WIPF1: variants seen among roughly 807,000 people sequenced by gnomAD.
WIPF1 encodes WAS/WASL interacting protein family member 1, also known as WAS/WASL-interacting protein family member 1.
In WIPF1, 13 loss-of-function variants were observed where a neutral mutation model predicts 35.4. The observed-to-expected ratio is 0.37, with a 90% CI of 0.24 to 0.58. WIPF1 has a LOEUF of 0.58. WIPF1 is among the 20% of genes least tolerant of loss of function. The pLI, the probability that WIPF1 is intolerant of heterozygous loss-of-function variation, is 0.74. For missense variants in WIPF1, 591 were observed against 667.0 expected (o/e 0.89, Z 1.25); for synonymous variants, 267 against 266.3 (o/e 1.00, Z -0.02).
intron 1 of WIPF1, among the ~76,000 whole-genome samples, chr2:174,656,439 C>G (rs755759004): frequency 6.6e-6 from 1 of 152,160 alleles, no homozygotes; most frequent in Non-Finnish European, 1.5e-5. Context: ...TAAGGAAGAG[C>G]AGAGTCAAGA....
At chr2:174,653,425 G>A (rs1687574007) in intron 1 of WIPF1, among the ~76,000 whole-genome samples, 1 of 152,098 alleles carries the variant, frequency 6.6e-6, no homozygotes, top group Non-Finnish European at 1.5e-5. Context: ...TGTCCTGGAA[G>A]TCTAAGACTG....
chr2:174,575,203 C>T lies in WIPF1; in HGVS notation c.358+1G>A. On this transcript the variant is annotated splice_donor_variant, in intron 4 of 7. Transcript: ENST00000679041. LOFTEE classifies it high-confidence loss of function. ...CTCAGAGACAGGGAAACTCTCCTTA[C>T]CATTATCCCTGTTGGCCGTGGATCT... The T allele has an allele frequency of 3.7e-6, 6 of 1,607,858 alleles. No homozygotes were observed. Among genetic ancestry groups the T allele is most frequent in the Non-Finnish European group, 5.1e-6 (6 of 1,176,262 alleles).
chr2:174,598,667 A>G (rs1172993040), upstream of WIPF1, among the ~76,000 whole-genome samples: 1 of 152,166 alleles, frequency 6.6e-6, no homozygotes, highest in Non-Finnish European at 1.5e-5. Flanking sequence ...CAGGGTAATA[A>G]TATACAGCTT....
chr2:174,588,080 C>T (rs1469521), intron 1 of WIPF1, among the ~76,000 whole-genome samples: 46,199 of 152,036 alleles, frequency 0.3, 7,341 homozygotes, highest in Non-Finnish European at 0.35. Context: ...ATTCAGAGGC[C>T]TTGGAGTCAG....
At chr2:174,663,296 G>A (rs1687817030) in intron 1 of WIPF1, among the ~76,000 whole-genome samples, 1 of 152,182 alleles carries the variant, frequency 6.6e-6, no homozygotes, top group Non-Finnish European at 1.5e-5. Context: ...GGGTGCAGAG[G>A]AGAAACACAG....
At chr2:174,654,601 T>G (rs1687604758) in intron 1 of WIPF1, among the ~76,000 whole-genome samples, 1 of 152,108 alleles carries the variant, frequency 6.6e-6, no homozygotes, top group Non-Finnish European at 1.5e-5. Flanking sequence ...TTGCCTTTTC[T>G]ACTTTATTCC....
chr2:174,565,185 G>A (rs1227048136), intron 7 of WIPF1, among the ~76,000 whole-genome samples: 1 of 152,050 alleles, frequency 6.6e-6, no homozygotes, highest in Non-Finnish European at 1.5e-5. Flanking sequence ...GTGAGCCACC[G>A]TGCCTGGCCT....
chr2:174,653,551 C>T lies in WIPF1; in HGVS notation c.-39+29223G>A, dbSNP rs540397709. Among the ~76,000 whole-genome samples the T allele has an allele frequency of 6.6e-5, 10 of 151,472 alleles. No individual in the cohort carries two copies. In the East Asian group the frequency reaches 7.8e-4, roughly 12 times the overall value. On this transcript the variant is annotated intron_variant, in intron 1 of 8. Coordinates refer to the WIPF1 transcript ENST00000272746. ...GAGATCGAGACCATCCTGGCTAACACGGTGAAACACCCATCTCTACTAAAA... is the reference window on the plus strand; with the variant it reads ...GAGATCGAGACCATCCTGGCTAACATGGTGAAACACCCATCTCTACTAAAA...
intron 6 of WIPF1, 135 bp downstream of exon 6, chr2:174,567,726 G>A: frequency 1.1e-6 from 1 of 932,360 alleles, no homozygotes; most frequent in Non-Finnish European, 1.5e-6. Context: ...AGAATGGTTA[G>A]ATAGTTAGAT....
At chr2:174,675,312 T>C (rs1194195805) in intron 1 of WIPF1, among the ~76,000 whole-genome samples, 1 of 152,208 alleles carries the variant, frequency 6.6e-6, no homozygotes, top group African/African-American at 2.4e-5. Context: ...ACATATGCTT[T>C]TGTAATCTGA....
chr2:174,670,322 G>C (rs2105985432), intron 1 of WIPF1, among the ~76,000 whole-genome samples: 1 of 152,292 alleles, frequency 6.6e-6, no homozygotes, highest in East Asian at 1.9e-4. Flanking sequence ...TGTCTGTGTT[G>C]CTAGGACCAG....
intron 5 of WIPF1, among the ~76,000 whole-genome samples, chr2:174,569,620 T>C (rs1441678920): frequency 3.3e-5 from 5 of 152,244 alleles, no homozygotes; most frequent in African/African-American, 1.2e-4. Context: ...AAAACAGATT[T>C]CTATTTCCCA....
In WIPF1 at chr2:174,669,218, C is replaced by G. The variant is rs75280295; in HGVS notation, c.-39+13556G>C. 8.2e-3 allele frequency among the ~76,000 whole-genome samples: 1,242 copies of G among 152,244 alleles called. 17 individuals are homozygous for G. The highest frequency in any genetic ancestry group is 0.028 in the African/African-American group (1,178 of 41,544). Reference sequence around the variant, plus strand: ...CTGGCAAGAAATTAGGAAACAGTACCCAGACAGTGAATCCAGATGAAGACC... The same window carrying G: ...CTGGCAAGAAATTAGGAAACAGTACGCAGACAGTGAATCCAGATGAAGACC... On this transcript the variant is annotated intron_variant, in intron 1 of 8. Coordinates refer to the WIPF1 transcript ENST00000272746.
chr2:174,587,415 A>T (rs1444327390), intron 1 of WIPF1: 2 of 152,210 alleles, frequency 1.3e-5, no homozygotes, highest in African/African-American at 4.8e-5. Context: ...GGAAAACTGA[A>T]ACCTAAACAA....
At chr2:174,611,369 A>G (rs1272806126) in intron 1 of WIPF1, among the ~76,000 whole-genome samples, 2 of 152,182 alleles carry the variant, frequency 1.3e-5, no homozygotes. Context: ...TCCATAAAAC[A>G]AAAACAAAAA....
At position 174,571,355 on chromosome 2, in the gene WIPF1, G is replaced by A. The variant is rs1684826175; in HGVS notation, c.1129+321C>T. On this transcript the variant is annotated intron_variant, in intron 5 of 7. Transcript: ENST00000679041. This position sits in a 1 kb window ranked among gnomAD's most constrained non-coding sequence, Gnocchi z 4.6. ...AGACCGCCGAAATTCTCTCTAGGGAGGCAGGGTAGTGGACTGGCAAGTACA... is the reference window on the plus strand; with the variant it reads ...AGACCGCCGAAATTCTCTCTAGGGAAGCAGGGTAGTGGACTGGCAAGTACA... 1 of 565,104 alleles carries A rather than the reference G, an allele frequency of 1.8e-6. No homozygotes were observed. Among genetic ancestry groups the A allele is most frequent in the Admixed American group, 3.4e-5 (1 of 29,272 alleles). The allele number at this position is 565,104 out of a possible 1,614,324, so 35.0% of individuals were successfully genotyped here. A position where few individuals can be genotyped will look rare whatever the true frequency, so the allele number is the denominator to read the frequency against.
rs1451370272 is a variant in WIPF1, at chr2:174,560,797, A to G, written c.*1750T>C. ...AACTTCATAATTTATTAGACATCCC[A>G]TTTATTAGAACTCTAAGTTCTTTTG... On this transcript the variant is annotated 3_prime_UTR_variant, in exon 8 of 8. Transcript: ENST00000679041. The G allele has an allele frequency of 1.3e-5, 2 of 152,596 alleles. No individual in the cohort carries two copies. Among genetic ancestry groups the G allele is most frequent in the African/African-American group, 4.8e-5 (2 of 41,446 alleles). 9.5% of individuals were successfully genotyped at this position (152,596 alleles called of 1,614,324 possible).
intron 1 of WIPF1, among the ~76,000 whole-genome samples, chr2:174,679,652 C>T (rs905155265): frequency 2.6e-5 from 4 of 152,100 alleles, no homozygotes; most frequent in African/African-American, 7.2e-5. Context: ...ATAAGCTTCT[C>T]GTCACACCCA....
chr2:174,650,496 C>A (rs1687513161), intron 1 of WIPF1, among the ~76,000 whole-genome samples: 1 of 152,178 alleles, frequency 6.6e-6, no homozygotes, highest in Non-Finnish European at 1.5e-5. Context: ...TACGAAACCA[C>A]CTTTGTTACT....
Sources: gnomAD v4.1 joint callset for allele counts (sites outside exome capture counted in the v4.1 genomes callset) on GRCh38, gnomAD v4.1.1 for gene constraint, Gnocchi (gnomAD v3.1) non-coding constraint, MANE v1.5 for transcripts, NCBI Gene and HGNC (gene_info 2026-07-23, HGNC 2026-07-21) for gene names.